The following VWA8 variants were observed in gnomAD, a reference collection of about 807,000 sequenced individuals.
VWA8 encodes von Willebrand factor A domain containing 8.
A neutral mutation model predicts 241.5 loss-of-function variants in VWA8; 221 were observed. That is an observed-to-expected ratio of 0.91 (90% CI 0.82 to 1.02). The LOEUF is 1.02. VWA8 is among the 50% of genes least tolerant of loss of function. VWA8 has a pLI of 0.00. For synonymous variants in VWA8, 852 were observed against 827.1 expected, an observed-to-expected ratio of 1.03 and a Z score of -0.52; for missense variants, 2,322 against 2,328.7, an observed-to-expected ratio of 1.00 and a Z score of 0.06.
intron 37 of VWA8, among the ~76,000 whole-genome samples, chr13:41,645,633 C>T (rs561539445): frequency 1.3e-5 from 2 of 151,968 alleles, no homozygotes; most frequent in Non-Finnish European, 2.9e-5. Flanking sequence ...GGCATGAGAG[C>T]GACTCAAAAC....
chr13:41,766,242 A>G (rs1027595657), intron 20 of VWA8, among the ~76,000 whole-genome samples: 1 of 152,194 alleles, frequency 6.6e-6, no homozygotes, highest in Non-Finnish European at 1.5e-5. Context: ...TCTTTACAGC[A>G]AAAGGACTTT....
intron 29 of VWA8, among the ~76,000 whole-genome samples, chr13:41,693,892 C>T (rs1044592340): frequency 6.6e-5 from 10 of 151,838 alleles, no homozygotes; most frequent in Non-Finnish European, 1.2e-4. Context: ...CATTGTTATG[C>T]GGGTGTCTTT....
chr13:41,816,487 C>A (rs1319137988), intron 16 of VWA8, among the ~76,000 whole-genome samples: 3 of 152,168 alleles, frequency 2.0e-5, no homozygotes, highest in African/African-American at 7.2e-5. Flanking sequence ...CTACAAGTTT[C>A]TTTCTATAAC....
At chr13:41,691,174 A>G (rs1052185239) in intron 32 of VWA8, 146 bp downstream of exon 32, 5 of 917,820 alleles carry the variant, frequency 5.4e-6, no homozygotes, top group Admixed American at 3.1e-5. Context: ...CTCAATTCTT[A>G]TAAGTCTCAT....
At chr13:41,572,969 T>C (rs1012169306) in intron 43 of VWA8, among the ~76,000 whole-genome samples, 2 of 149,772 alleles carry the variant, frequency 1.3e-5, no homozygotes, top group African/African-American at 4.9e-5. Context: ...ATTAGCTGGG[T>C]ATGGTGACAT....
At chr13:41,703,777 ATT>A (rs755091767) in intron 26 of VWA8, among the ~76,000 whole-genome samples, 11 of 134,010 alleles carry the variant, frequency 8.2e-5, no homozygotes, top group Admixed American at 2.2e-4. Flanking sequence ...TTTTCAGTCT[ATT>A]TTTTTTTTTT....
chr13:41,821,849 T>C (rs1870972735), intron 14 of VWA8, among the ~76,000 whole-genome samples: 1 of 152,160 alleles, frequency 6.6e-6, no homozygotes, highest in South Asian at 2.1e-4. Flanking sequence ...ACTATCAATG[T>C]ACGTAACAAC....
rs866353372 is a variant in VWA8 at position 41,626,095 on chromosome 13, G to A, written c.4612-11011C>T. ...TGGGGACTGTTGTGGGGTGGGGGGA[G>A]GGGGGAGGGATAGCATTAGGAGATA... On this transcript the variant is annotated intron_variant, in intron 37 of 44. Coordinates refer to ENST00000379310, the MANE Select transcript of VWA8 (RefSeq NM_015058.2). Among the ~76,000 whole-genome samples the A allele has an allele frequency of 4.5e-3, 487 of 107,464 alleles. 8 individuals carry two copies. The highest frequency in any genetic ancestry group is 0.016 in the African/African-American group (457 of 27,940). 70.5% of individuals were successfully genotyped at this position (107,464 alleles called of 152,430 possible).
At chr13:41,811,388 T>TAA in intron 16 of VWA8, 48 bp from the exon 17 acceptor site, 1 of 1,503,720 alleles carries the variant, frequency 6.7e-7, no homozygotes, top group Non-Finnish European at 9.2e-7. Flanking sequence ...TTCAACTTGC[T>TAA]AAAGTCCCTT....
chr13:41,653,521 A>G (rs1329023197), intron 37 of VWA8, among the ~76,000 whole-genome samples: 1 of 152,232 alleles, frequency 6.6e-6, no homozygotes, highest in Non-Finnish European at 1.5e-5. Flanking sequence ...TTCCTATCAA[A>G]CTACCATTGG....
chr13:41,917,015 A>G (rs1876290780), intron 2 of VWA8, among the ~76,000 whole-genome samples: 1 of 152,222 alleles, frequency 6.6e-6, no homozygotes, highest in Non-Finnish European at 1.5e-5. Context: ...ATGTAAAGAT[A>G]AAAACATGTA....
intron 21 of VWA8, among the ~76,000 whole-genome samples, chr13:41,760,611 A>G (rs1268464748): frequency 6.6e-6 from 1 of 152,026 alleles, no homozygotes; most frequent in South Asian, 2.1e-4. Flanking sequence ...GCTAAAAATG[A>G]CCCATATTGA....
At chr13:41,690,046 T>C in intron 33 of VWA8, 120 bp downstream of exon 33, 1 of 791,484 alleles carries the variant, frequency 1.3e-6, no homozygotes, top group Admixed American at 3.4e-5. Flanking sequence ...AGTGACTAAG[T>C]TTTTTCTTTT....
intron 26 of VWA8, among the ~76,000 whole-genome samples, chr13:41,711,254 A>G (rs1301113118): frequency 6.6e-6 from 1 of 152,212 alleles, no homozygotes; most frequent in Non-Finnish European, 1.5e-5. Context: ...GACAGAAGCT[A>G]TGAGTTGGAA....
chr13:41,690,683 T>A (rs558334053), intron 32 of VWA8, among the ~76,000 whole-genome samples: 4 of 152,266 alleles, frequency 2.6e-5, no homozygotes, highest in African/African-American at 7.2e-5. Context: ...TCTACTTATT[T>A]TTAACATTTC....
At chr13:41,653,968 A>G (rs1053787118) in intron 37 of VWA8, among the ~76,000 whole-genome samples, 6 of 152,216 alleles carry the variant, frequency 3.9e-5, no homozygotes, top group Non-Finnish European at 5.9e-5. Context: ...GAAGAAAACT[A>G]GGAAATACCA....
intron 20 of VWA8, among the ~76,000 whole-genome samples, chr13:41,770,707 G>C (rs980809106): frequency 6.6e-5 from 10 of 151,968 alleles, no homozygotes; most frequent in African/African-American, 2.4e-4. Context: ...TGAAGAAAAT[G>C]AAAATCAGGG....
chr13:41,576,228 C>A (rs2044349760), intron 42 of VWA8, among the ~76,000 whole-genome samples: 1 of 152,196 alleles, frequency 6.6e-6, no homozygotes, highest in African/African-American at 2.4e-5. Context: ...GAAGGTGAGG[C>A]CACAGCTTAT....
intron 26 of VWA8, among the ~76,000 whole-genome samples, chr13:41,706,047 C>T (rs1272395332): frequency 6.6e-6 from 1 of 152,052 alleles, no homozygotes; most frequent in East Asian, 1.9e-4. Context: ...TTGGTTGATA[C>T]CTAGCCTAAA....
Sources: allele counts gnomAD v4.1 joint callset (sites outside exome capture counted in the v4.1 genomes callset), GRCh38; gene constraint gnomAD v4.1.1; transcripts MANE v1.5; gene names NCBI Gene and HGNC (gene_info 2026-07-23, HGNC 2026-07-21).